The following PDGFRL variants were observed in gnomAD, a reference collection of about 807,000 sequenced individuals.
PDGFRL encodes the protein platelet-derived growth factor receptor-like protein.
PDGFRL carries 46 observed loss-of-function variants against 37.2 expected under a neutral mutation model. The ratio of observed to expected loss-of-function variants is 1.24; its 90% CI spans 0.98 to 1.58. The LOEUF (loss-of-function observed/expected upper bound fraction) is 1.58, where lower values mean the gene tolerates loss of function less well. PDGFRL is among the 40% of genes most tolerant of loss of function. PDGFRL has a pLI of 0.00. For synonymous variants in PDGFRL, 251 were observed against 184.3 expected (o/e 1.36, Z -2.93); for missense variants, 692 against 467.6 (o/e 1.48, Z -4.43).
rs71517660 is a variant in PDGFRL, at chr8:17,580,325, G to GA, written c.55+3027dup. On this transcript the variant is annotated intron_variant, in intron 1 of 5. Transcript: ENST00000251630. ...CTTTCGTGTCTTCGTTTATTTTTGAGAAAAAAAAAGAGTAAAAATTAGTAC... is the reference window on the plus strand; with the variant it reads ...CTTTCGTGTCTTCGTTTATTTTTGAGAAAAAAAAAAGAGTAAAAATTAGTAC... Among the ~76,000 whole-genome samples the GA allele has an allele frequency of 3.2e-4, 47 of 149,196 alleles. No homozygotes were observed. The East Asian group carries it at 4.7e-3, about 15-fold the overall frequency.
At chr8:17,603,558 G>C (rs1563514269) in intron 2 of PDGFRL, among the ~76,000 whole-genome samples, 1 of 152,158 alleles carries the variant, frequency 6.6e-6, no homozygotes, top group Non-Finnish European at 1.5e-5. Flanking sequence ...CAAAGGTACT[G>C]TTTCTGACAA....
At chr8:17,614,110 G>C (rs1377326310) in intron 2 of PDGFRL, among the ~76,000 whole-genome samples, 1 of 152,178 alleles carries the variant, frequency 6.6e-6, no homozygotes, top group Admixed American at 6.5e-5. Flanking sequence ...TGATAGATCA[G>C]TAGATGATAG....
chr8:17,638,031 T>A (rs567003518), intron 5 of PDGFRL, among the ~76,000 whole-genome samples: 62 of 152,328 alleles, frequency 4.1e-4, no homozygotes, highest in Non-Finnish European at 7.5e-4. Flanking sequence ...TTTGTATTTT[T>A]TTGGTTCAAT....
At chr8:17,635,060 C>G (rs1009205278) in intron 5 of PDGFRL, among the ~76,000 whole-genome samples, 5 of 152,114 alleles carry the variant, frequency 3.3e-5, no homozygotes, top group African/African-American at 1.2e-4. Flanking sequence ...TCTTTCAATC[C>G]CATCTTCTGG....
intron 4 of PDGFRL, among the ~76,000 whole-genome samples, chr8:17,632,264 C>A (rs1183318843): frequency 6.6e-6 from 1 of 152,166 alleles, no homozygotes; most frequent in Non-Finnish European, 1.5e-5. Flanking sequence ...TTGTCTCTGC[C>A]CTAGACTTAT....
chr8:17,604,787 C>T (rs776872315), intron 2 of PDGFRL, among the ~76,000 whole-genome samples: 1 of 151,854 alleles, frequency 6.6e-6, no homozygotes, highest in Non-Finnish European at 1.5e-5. Flanking sequence ...AATTATGAGT[C>T]GAGGATTTAA....
chr8:17,597,409 C>T (rs1203201080), intron 2 of PDGFRL, among the ~76,000 whole-genome samples: 1 of 152,204 alleles, frequency 6.6e-6, no homozygotes, highest in Non-Finnish European at 1.5e-5. Context: ...TTCATCTTTT[C>T]CTACTAAATT....
chr8:17,638,737 GCA>G (rs1491505831), intron 5 of PDGFRL, among the ~76,000 whole-genome samples: 3 of 49,156 alleles, frequency 6.1e-5, no homozygotes, highest in Non-Finnish European at 1.1e-4. Flanking sequence ...GGCATTAGGT[GCA>G]TATATATATA....
rs570812179 is a variant in PDGFRL, at chr8:17,637,928, C to T, written c.939+3715C>T. The stretch of plus-strand genomic sequence containing the variant: ...TTGGTTGTAATATCTTGTTTCATTT[C>T]TAACTGAAGCTTATTTGGATCTTCT... On this transcript the variant is annotated intron_variant, in intron 5 of 5. Coordinates refer to ENST00000251630, the MANE Select transcript of PDGFRL (RefSeq NM_001372073.1). Among the ~76,000 whole-genome samples, 5 of 2,648 alleles carry T rather than the reference C, an allele frequency of 1.9e-3. No individual in the cohort carries two copies. In the Admixed American group the frequency reaches 0.027, roughly 14 times the overall value. The allele number at this position is 2,648 out of a possible 152,430, so 1.7% of individuals were successfully genotyped here.
intron 3 of PDGFRL, among the ~76,000 whole-genome samples, chr8:17,623,401 A>G (rs1804670163): frequency 1.3e-5 from 2 of 152,214 alleles, no homozygotes; most frequent in African/African-American, 4.8e-5. Flanking sequence ...CTGTGAAGCA[A>G]CAGTGGAAAA....
At chr8:17,578,083 G>C (rs1206225564) in intron 1 of PDGFRL, among the ~76,000 whole-genome samples, 1 of 151,754 alleles carries the variant, frequency 6.6e-6, no homozygotes, top group Non-Finnish European at 1.5e-5. Context: ...ACTGTGGTGT[G>C]TATTATATAT....
At chr8:17,577,010 C>A, upstream of PDGFRL, 3 of 580,292 alleles carry the variant, frequency 5.2e-6, no homozygotes, top group Middle Eastern at 4.8e-4. Flanking sequence ...GCCTTTCCTC[C>A]CCGCGCTGGG....
chr8:17,620,940 C>A (rs115843838), intron 2 of PDGFRL, 111 bp from the exon 3 acceptor site: 1 of 552,508 alleles, frequency 1.8e-6, no homozygotes, highest in South Asian at 4.9e-5. Flanking sequence ...TCTATGACAT[C>A]GGAGAAAGAT....
At chr8:17,597,468 C>A in intron 2 of PDGFRL, among the ~76,000 whole-genome samples, 1 of 152,062 alleles carries the variant, frequency 6.6e-6, no homozygotes, top group East Asian at 1.9e-4. Context: ...ACAGAGAGAG[C>A]AATTAATGAA....
chr8:17,589,578 G>T lies in PDGFRL; in HGVS notation c.166G>T (p.Asp56Tyr). Residue 56 changes from aspartate to tyrosine, a missense_variant, in exon 2 of 6, where the codon GAC (aspartate) becomes TAC (tyrosine). Physicochemically the swap from Asp to Tyr is radical, Grantham distance 160. Transcript: ENST00000251630. ...KPKIPKMKDR[D>Y]SANSAPKTQS... Reference sequence around the variant, plus strand: ...CAAAATTCCTAAAATGAAGGACAGGGACTCAGCCAATTCAGCACCAAAGAC... The same window carrying T: ...CAAAATTCCTAAAATGAAGGACAGGTACTCAGCCAATTCAGCACCAAAGAC... The T allele has an allele frequency of 1.9e-6, 3 of 1,613,884 alleles. No individual in the cohort carries two copies. The highest frequency in any genetic ancestry group is 1.7e-4 in the Middle Eastern group (1 of 6,058).
intron 3 of PDGFRL, among the ~76,000 whole-genome samples, chr8:17,625,400 T>G (rs934830664): frequency 1.3e-5 from 2 of 152,040 alleles, no homozygotes; most frequent in Non-Finnish European, 2.9e-5. Context: ...TCCGCCTGCC[T>G]TGGCCTCCCA....
Position 17,642,857 on chromosome 8 carries a change from C to A in PDGFRL, c.*56C>A. The A allele has an allele frequency of 8.7e-7, 1 of 1,150,962 alleles. No individual in the cohort carries two copies. Among genetic ancestry groups the A allele is most frequent in the Non-Finnish European group, 1.3e-6 (1 of 779,546 alleles). 71.3% of individuals were successfully genotyped at this position (1,150,962 alleles called of 1,614,324 possible). A position where few individuals can be genotyped will look rare whatever the true frequency, so the allele number is the denominator to read the frequency against. On this transcript the variant is annotated 3_prime_UTR_variant, in exon 6 of 6. Transcript: ENST00000251630. ...AAAGCCCATTTGTGTACACAGTCAG[C>A]TTTGGGGTTCCTTTTATTAGTGCTT...
intron 2 of PDGFRL, among the ~76,000 whole-genome samples, chr8:17,597,013 T>G (rs949072178): frequency 3.4e-5 from 5 of 146,898 alleles, no homozygotes; most frequent in African/African-American, 1.4e-4. Context: ...AGCCTTGTAG[T>G]TTTTTTTGTT....
chr8:17,636,046 A>G (rs1165374771), intron 5 of PDGFRL, among the ~76,000 whole-genome samples: 1 of 151,914 alleles, frequency 6.6e-6, no homozygotes, highest in African/African-American at 2.4e-5. Flanking sequence ...GATTGCAAAA[A>G]TTTTCTCCCA....
Sources: allele counts gnomAD v4.1 joint callset (sites outside exome capture counted in the v4.1 genomes callset), GRCh38; gene constraint gnomAD v4.1.1; transcripts MANE v1.5; gene names NCBI Gene and HGNC (gene_info 2026-07-23, HGNC 2026-07-21).